SNAP25: variants seen among roughly 807,000 people sequenced by gnomAD.
SNAP25 encodes the protein synaptosome associated protein 25.
SNAP25 carries 3 observed loss-of-function variants against 28.7 expected under a neutral mutation model. The ratio of observed to expected loss-of-function variants is 0.10; its 90% CI spans 0.05 to 0.27. The LOEUF is 0.27. SNAP25 is among the 10% of genes least tolerant of loss of function. The pLI, the probability that SNAP25 is intolerant of heterozygous loss-of-function variation, is 1.00. For synonymous variants in SNAP25, 61 were observed against 88.1 expected (o/e 0.69, Z 1.72); for missense variants, 117 against 278.7 (o/e 0.42, Z 4.13).
chr20:10,265,909 A>G (rs1345485607), intron 1 of SNAP25, among the ~76,000 whole-genome samples: 1 of 152,178 alleles, frequency 6.6e-6, no homozygotes, highest in Non-Finnish European at 1.5e-5. Context: ...TGGAACTCCT[A>G]ACAAGCTCCC....
chr20:10,264,923 T>C (rs2063482009), intron 1 of SNAP25, among the ~76,000 whole-genome samples: 1 of 150,616 alleles, frequency 6.6e-6, no homozygotes, highest in South Asian at 2.1e-4. Context: ...CCATGCTTTT[T>C]TTTTTTTTTT....
chr20:10,267,145 A>T (rs1480019576), intron 1 of SNAP25, among the ~76,000 whole-genome samples: 1 of 152,202 alleles, frequency 6.6e-6, no homozygotes, highest in South Asian at 2.1e-4. Flanking sequence ...TAACTCTTGC[A>T]TTAGAGAGGA....
chr20:10,251,427 A>G (rs777444144), intron 1 of SNAP25, among the ~76,000 whole-genome samples: 16 of 152,182 alleles, frequency 1.1e-4, no homozygotes, highest in Non-Finnish European at 1.8e-4. Flanking sequence ...TTTGTTCAGA[A>G]TTTTGAAGGC....
chr20:10,278,129 A>C (rs1333893438), intron 3 of SNAP25: 1 of 157,474 alleles, frequency 6.4e-6, no homozygotes, highest in Non-Finnish European at 1.4e-5. Flanking sequence ...TTCTGTTCTA[A>C]CTTTAGCCAC....
chr20:10,222,845 T>C (rs1213915281), intron 1 of SNAP25, among the ~76,000 whole-genome samples: 1 of 152,224 alleles, frequency 6.6e-6, no homozygotes, highest in Non-Finnish European at 1.5e-5. Context: ...TGCTTGGAAG[T>C]TAATTGCAAG....
intron 1 of SNAP25, among the ~76,000 whole-genome samples, chr20:10,273,119 C>G (rs528774264): frequency 1.3e-5 from 2 of 151,988 alleles, no homozygotes; most frequent in Admixed American, 1.3e-4. Flanking sequence ...CTTTTGTTCC[C>G]TTGCCTCCCA....
intron 7 of SNAP25, among the ~76,000 whole-genome samples, chr20:10,304,949 T>C (rs1224700667): frequency 6.6e-6 from 1 of 152,226 alleles, no homozygotes; most frequent in Non-Finnish European, 1.5e-5. Flanking sequence ...CAGTATGGAC[T>C]ACAGTTAATT....
intron 1 of SNAP25, among the ~76,000 whole-genome samples, chr20:10,234,576 T>A (rs2062884496): frequency 6.6e-6 from 1 of 152,230 alleles, no homozygotes; most frequent in Admixed American, 6.5e-5. Flanking sequence ...GCATTTGAGA[T>A]TGCTTCCATT....
intron 1 of SNAP25, chr20:10,219,575 A>C (rs1244075221): frequency 6.6e-6 from 1 of 151,660 alleles, no homozygotes; most frequent in East Asian, 1.9e-4. Context: ...GGCTCTGCGG[A>C]GGGCTGGCGC....
intron 1 of SNAP25, among the ~76,000 whole-genome samples, chr20:10,272,674 G>C (rs989201912): frequency 1.3e-5 from 2 of 152,152 alleles, no homozygotes; most frequent in African/African-American, 4.8e-5. Context: ...ACATGTTCTA[G>C]TGGCCAGAAC....
chr20:10,279,324 G>T (rs1860048337), intron 3 of SNAP25, among the ~76,000 whole-genome samples: 1 of 152,184 alleles, frequency 6.6e-6, no homozygotes, highest in Admixed American at 6.5e-5. Context: ...TTATTTGATT[G>T]TATATTATTA....
At chr20:10,242,937 A>G (rs1312350492) in intron 1 of SNAP25, among the ~76,000 whole-genome samples, 2 of 152,270 alleles carry the variant, frequency 1.3e-5, no homozygotes, top group Admixed American at 6.5e-5. Context: ...CAGAATAAAC[A>G]TGGCCTATTA....
chr20:10,278,180 A>G (rs2063723607), intron 3 of SNAP25: 1 of 152,448 alleles, frequency 6.6e-6, no homozygotes, highest in South Asian at 2.1e-4. Flanking sequence ...TAGGTGTATC[A>G]TTTTTAGAAA....
intron 3 of SNAP25, among the ~76,000 whole-genome samples, chr20:10,280,705 C>G (rs1287782148): frequency 6.6e-6 from 1 of 152,216 alleles, no homozygotes; most frequent in Non-Finnish European, 1.5e-5. Context: ...GGAAAAGCCC[C>G]ACAGCCTTAG....
intron 1 of SNAP25, among the ~76,000 whole-genome samples, chr20:10,247,388 T>C (rs773948196): frequency 9.2e-5 from 14 of 152,202 alleles, no homozygotes; most frequent in Non-Finnish European, 2.1e-4. Context: ...ACCAGTGACA[T>C]TCTTCCTGTC....
chr20:10,260,751 T>C (rs2063400895), intron 1 of SNAP25, among the ~76,000 whole-genome samples: 1 of 150,328 alleles, frequency 6.7e-6, no homozygotes, highest in South Asian at 2.1e-4. Context: ...ATCTGCCTTA[T>C]ATTATGTGGG....
chr20:10,232,221 C>G (rs929155281), intron 1 of SNAP25, among the ~76,000 whole-genome samples: 1 of 152,196 alleles, frequency 6.6e-6, no homozygotes, highest in Non-Finnish European at 1.5e-5. Context: ...TCTGGACTTC[C>G]ACTATGGAAA....
At chr20:10,225,526 G>A (rs1254581423) in intron 1 of SNAP25, among the ~76,000 whole-genome samples, 4 of 152,124 alleles carry the variant, frequency 2.6e-5, no homozygotes, top group African/African-American at 7.2e-5. Context: ...AATAACAGCT[G>A]TACTGGGCTT....
rs558452456 is a variant in SNAP25 at position 10,273,313 on chromosome 20, T to C, written c.-63-2116T>C. The stretch of plus-strand genomic sequence containing the variant: ...AGACAAACAAAAATATGTTTTTTGG[T>C]TAGGAAATCATGCTCATATGCAATG... On this transcript the variant is annotated intron_variant, in intron 1 of 7. Coordinates refer to ENST00000254976, the MANE Select transcript of SNAP25 (RefSeq NM_130811.4). Among the ~76,000 whole-genome samples, 4 of 152,352 alleles carry C rather than the reference T, an allele frequency of 2.6e-5. No individual in the cohort carries two copies. The East Asian group carries it at 7.7e-4, about 29-fold the overall frequency.
Sources: gnomAD v4.1 joint callset for allele counts (sites outside exome capture counted in the v4.1 genomes callset) on GRCh38, gnomAD v4.1.1 for gene constraint, MANE v1.5 for transcripts, NCBI Gene and HGNC (gene_info 2026-07-23, HGNC 2026-07-21) for gene names.